GPRC5D: variants seen among roughly 807,000 people sequenced by gnomAD.
The protein encoded by GPRC5D is G protein-coupled receptor class C group 5 member D.
A neutral mutation model predicts 29.3 loss-of-function variants in GPRC5D; 20 were observed. That is an observed-to-expected ratio of 0.68 (90% CI 0.48 to 0.99). The LOEUF is 0.99. GPRC5D is among the 50% of genes least tolerant of loss of function. The pLI is 0.00. For missense variants in GPRC5D, 384 were observed against 423.6 expected, an observed-to-expected ratio of 0.91 and a Z score of 0.82; for synonymous variants, 178 against 171.3, an observed-to-expected ratio of 1.04 and a Z score of -0.30.
intron 1 of GPRC5D, among the ~76,000 whole-genome samples, chr12:12,943,664 C>G: frequency 6.6e-6 from 1 of 150,580 alleles, no homozygotes; most frequent in East Asian, 1.9e-4. Flanking sequence ...TGCTGTGATA[C>G]ATGAAATGCT....
chr12:12,940,985 C>G (rs1355453527), intron 2 of GPRC5D, 136 bp from the exon 4 acceptor site: 7 of 577,960 alleles, frequency 1.2e-5, no homozygotes, highest in Non-Finnish European at 2.3e-5. Flanking sequence ...GATCTGGGCT[C>G]ACTGCAAACT....
intron 1 of GPRC5D, among the ~76,000 whole-genome samples, chr12:12,949,273 C>T (rs1470529165): frequency 2.0e-5 from 3 of 152,192 alleles, no homozygotes; most frequent in Non-Finnish European, 4.4e-5. Flanking sequence ...GTCTTGGTCT[C>T]TCCCCATAAA....
chr12:12,949,615 T>C (rs1272395435), exon 1 of GPRC5D: 2 of 1,614,164 alleles, frequency 1.2e-6, no homozygotes, highest in Non-Finnish European at 8.5e-7. Context: ...AGGGACGATG[T>C]ACAGCAGCAG....
intron 1 of GPRC5D, 47 bp downstream of exon 2, chr12:12,949,443 C>T (rs1863429546): frequency 1.3e-6 from 2 of 1,496,950 alleles, no homozygotes; most frequent in Non-Finnish European, 9.1e-7. Context: ...TCTCCTGCTT[C>T]TCCTGTAGGA....
chr12:12,947,316 C>G (rs1565479071), intron 1 of GPRC5D: 2 of 152,222 alleles, frequency 1.3e-5, no homozygotes, highest in South Asian at 2.1e-4. Context: ...TTATACTTCT[C>G]TAGCTCTTAA....
chr12:12,942,305 C>T, exon 2 of GPRC5D: 1 of 1,613,108 alleles, frequency 6.2e-7, no homozygotes, highest in South Asian at 1.1e-5. Flanking sequence ...GCTACATCCT[C>T]CTCAGCTCCA....
intron 1 of GPRC5D, among the ~76,000 whole-genome samples, chr12:12,944,744 CCTTCCTTCCTTCCTTTCTTCCTTCCTTT>C (rs1251517371): frequency 2.2e-5 from 1 of 46,198 alleles, no homozygotes; most frequent in African/African-American, 3.9e-5. Context: ...CACCTTTCTT[CCTTCCTTCCTTCCTTTCTTCCTTCCTTT>C]CTTCCTTCCT....
At position 12,949,844 on chromosome 12, in the gene GPRC5D, TCA is replaced by T; in HGVS notation, c.539_540del (p.Leu180HisfsTer17). The T allele has an allele frequency of 6.2e-7, 1 of 1,614,068 alleles. No individual in the cohort carries two copies. Among genetic ancestry groups the T allele is most frequent in the South Asian group, 1.1e-5 (1 of 91,084 alleles). The stretch of plus-strand genomic sequence containing the variant: ...TTGGAGACGAAGAATGTGAGGGCCA[TCA>T]GGAAGAGGACATAGACCAGGAGTAC... On this transcript the variant is annotated frameshift_variant, in exon 1 of 3. Coordinates refer to ENST00000228887, the Ensembl canonical transcript of GPRC5D. LOFTEE classifies it high-confidence loss of function.
At chr12:12,950,043 T>C in exon 1 of GPRC5D, 1 of 1,613,910 alleles carries the variant, frequency 6.2e-7, no homozygotes, top group Non-Finnish European at 8.5e-7. Context: ...CCAGCTTCAC[T>C]AGATTGGAGG....
Position 12,940,845 on chromosome 12 carries a change from A to G in GPRC5D, c.968T>C (p.Val323Ala). The change falls in exon 3 of 3, where the codon GTT (valine) becomes GCT (alanine). Residue 323 changes from valine to alanine, a missense_variant. Transcript: ENST00000228887. Reference sequence around the variant, plus strand: ...GATGAAACACTCTTGTGTGGGATCAACAGTCTGGAAAGGAAGAAATGCCAT... The same window carrying G: ...GATGAAACACTCTTGTGTGGGATCAGCAGTCTGGAAAGGAAGAAATGCCAT... 9 of 1,592,178 alleles carry G rather than the reference A, an allele frequency of 5.7e-6. No homozygotes were observed. Among genetic ancestry groups the G allele is most frequent in the Non-Finnish European group, 7.8e-6 (9 of 1,159,928 alleles).
chr12:12,952,020 T>C (rs944750985), upstream of GPRC5D: 3 of 151,990 alleles, frequency 2.0e-5, no homozygotes, highest in Non-Finnish European at 2.9e-5. Context: ...ACCCCTTAGC[T>C]CTACTTCCCT....
rs1474001517 is a variant in GPRC5D at position 12,950,049 on chromosome 12, GGAGGCATGAGCTAA to G, written c.322_335del (p.Leu108GlnfsTer34). On this transcript the variant is annotated frameshift_variant, in exon 1 of 3. Transcript: ENST00000228887. LOFTEE classifies it high-confidence loss of function. ...AACCCCGAACCAGCTTCACTAGATT[GGAGGCATGAGCTAA>G]GAGGCATGAGAAACAGAGAGCAAAG... The G allele has an allele frequency of 6.2e-7, 1 of 1,613,818 alleles. No individual in the cohort carries two copies. The highest frequency in any genetic ancestry group is 1.7e-5 in the Admixed American group (1 of 59,994).
At chr12:12,944,083 C>A (rs1235064647) in intron 1 of GPRC5D, among the ~76,000 whole-genome samples, 2 of 152,142 alleles carry the variant, frequency 1.3e-5, no homozygotes, top group South Asian at 2.1e-4. Context: ...CTTTCCACTG[C>A]CCTTTGCTGC....
At chr12:12,941,729 T>G (rs1464290547) in intron 2 of GPRC5D, among the ~76,000 whole-genome samples, 1 of 152,178 alleles carries the variant, frequency 6.6e-6, no homozygotes, top group African/African-American at 2.4e-5. Flanking sequence ...GCTCCCTCTG[T>G]TTTTGCCTGA....
chr12:12,942,235 G>A (rs1863170939), intron 2 of GPRC5D, 26 bp downstream of exon 3: 3 of 1,466,056 alleles, frequency 2.0e-6, no homozygotes, highest in African/African-American at 2.8e-5. Context: ...AGTCCCTCCT[G>A]GGTGAATATA....
intron 1 of GPRC5D, among the ~76,000 whole-genome samples, chr12:12,944,827 T>TTTC (rs1863246842): frequency 1.0e-4 from 1 of 9,900 alleles, no homozygotes; most frequent in African/African-American, 1.6e-4. Context: ...CCTTCCTTCC[T>TTTC]TCCTTCCTTC....
intron 1 of GPRC5D, among the ~76,000 whole-genome samples, chr12:12,946,290 TTCTTCCTTCCTTCCTTCC>T (rs1375218541): frequency 1.1e-5 from 1 of 94,782 alleles, no homozygotes; most frequent in Non-Finnish European, 2.2e-5. Flanking sequence ...CTTCCTTCCT[TTCTTCCTTCCTTCCTTCC>T]TTTTCTTTCT....
intron 1 of GPRC5D, chr12:12,947,208 G>A (rs527980277): frequency 6.6e-6 from 1 of 152,256 alleles, no homozygotes; most frequent in East Asian, 1.9e-4. Flanking sequence ...TACCATGATT[G>A]TTTCTTGAGC....
chr12:12,942,077 T>A (rs1863165253), intron 2 of GPRC5D, among the ~76,000 whole-genome samples, 184 bp downstream of exon 3: 1 of 152,184 alleles, frequency 6.6e-6, no homozygotes, highest in African/African-American at 2.4e-5. Flanking sequence ...GGGTGAAAGC[T>A]GTCTTGCGCC....
Sources: gnomAD v4.1 joint callset for allele counts (sites outside exome capture counted in the v4.1 genomes callset) on GRCh38, gnomAD v4.1.1 for gene constraint, MANE v1.5 for transcripts, NCBI Gene and HGNC (gene_info 2026-07-23, HGNC 2026-07-21) for gene names.